CNTN3: variants seen among roughly 807,000 people sequenced by gnomAD.
CNTN3 encodes the protein contactin 3.
CNTN3 carries 60 observed loss-of-function variants against 119.1 expected under a neutral mutation model. That is an observed-to-expected ratio of 0.50 (90% confidence interval 0.41 to 0.62). The LOEUF is 0.62. Ranked by LOEUF, CNTN3 falls within the 20% of genes least tolerant of loss-of-function variation. CNTN3 has a pLI of 0.00. For synonymous variants in CNTN3, 450 were observed against 438.7 expected (o/e 1.03, Z -0.32); for missense variants, 1,101 against 1,242.4 (o/e 0.89, Z 1.71).
rs1704329766 is a variant in CNTN3, at chr3:74,371,232, G to A, written c.622C>T (p.Leu208=). The change falls in exon 6 of 23, where the codon CTG becomes TTG. Residue 208 remains leucine (L), a synonymous_variant. Transcript: ENST00000263665. ...AGCACCAAAGGAGTTGGAGAGCCCA[G>A]CACTCGGGCATTTGTCACCATACTT... is the stretch of plus-strand genomic sequence containing the variant. The part of the protein sequence containing the change: ...VTSMVTNARV[L]GSPTPLVLRS... 1.2e-6 allele frequency: 2 copies of A among 1,613,200 alleles called. No homozygotes were observed. Among genetic ancestry groups the A allele is most frequent in the Admixed American group, 1.7e-5 (1 of 59,892 alleles).
At chr3:74,299,489 C>G (rs185122236) in intron 17 of CNTN3, among the ~76,000 whole-genome samples, 1 of 152,106 alleles carries the variant, frequency 6.6e-6, no homozygotes, top group Non-Finnish European at 1.5e-5. Context: ...GGGCAACAGC[C>G]GCAACATAAC....
intron 4 of CNTN3, among the ~76,000 whole-genome samples, chr3:74,428,543 G>C (rs1469737733): frequency 6.6e-6 from 1 of 152,276 alleles, no homozygotes; most frequent in East Asian, 1.9e-4. Flanking sequence ...CAAGAAAATA[G>C]TTTAGTAAAG....
intron 2 of CNTN3, among the ~76,000 whole-genome samples, chr3:74,517,456 GTAACAC>G (rs1441084045): frequency 1.3e-5 from 2 of 151,910 alleles, no homozygotes; most frequent in Non-Finnish European, 2.9e-5. Context: ...TGTCCGTTCA[GTAACAC>G]TAACACCCAT....
chr3:74,328,931 A>G (rs916561876), intron 13 of CNTN3, among the ~76,000 whole-genome samples: 3 of 152,200 alleles, frequency 2.0e-5, no homozygotes, highest in Non-Finnish European at 4.4e-5. Context: ...GATGCTTTGA[A>G]TTTGGACAAG....
chr3:74,506,868 A>G (rs2107094632), intron 2 of CNTN3, among the ~76,000 whole-genome samples: 1 of 152,200 alleles, frequency 6.6e-6, no homozygotes, highest in East Asian at 1.9e-4. Flanking sequence ...TTTTTAAAAT[A>G]TTTCTTTAAC....
At position 74,535,690 on chromosome 3, in the gene CNTN3, G is replaced by A. The variant is rs79153629; in HGVS notation, c.-80-14498C>T. Among the ~76,000 whole-genome samples the A allele has an allele frequency of 1.4e-3, 207 of 152,176 alleles. 2 individuals carry two copies. In the East Asian group the frequency reaches 0.036, roughly 27 times the overall value. On this transcript the variant is annotated intron_variant, in intron 1 of 22. Transcript: ENST00000263665. Reference sequence around the variant, plus strand: ...GATTGTGAACTGCCAGACTGACTGTGAACTCTTTATTTCAGAAGACCCTGG... The same window carrying A: ...GATTGTGAACTGCCAGACTGACTGTAAACTCTTTATTTCAGAAGACCCTGG...
At chr3:74,554,182 C>T (rs1704035546) in intron 1 of CNTN3, among the ~76,000 whole-genome samples, 1 of 152,116 alleles carries the variant, frequency 6.6e-6, no homozygotes, top group Admixed American at 6.6e-5. Flanking sequence ...GGAATCTTTT[C>T]CCCATTGCTT....
chr3:74,334,660 G>T, intron 13 of CNTN3, 75 bp downstream of exon 13: 1 of 1,330,014 alleles, frequency 7.5e-7, no homozygotes, highest in Non-Finnish European at 1.1e-6. Context: ...TTGTCTATAT[G>T]TCAGACAGTT....
At chr3:74,456,249 AAAG>A (rs546945726) in intron 4 of CNTN3, among the ~76,000 whole-genome samples, 2 of 152,086 alleles carry the variant, frequency 1.3e-5, no homozygotes, top group African/African-American at 2.4e-5. Flanking sequence ...ACTGAAAAAA[AAAG>A]AAAAAAGCAA....
chr3:74,344,397 G>GTTTGTT (rs1703630339), intron 11 of CNTN3, among the ~76,000 whole-genome samples: 1 of 32,568 alleles, frequency 3.1e-5, no homozygotes, highest in Non-Finnish European at 7.2e-5. Flanking sequence ...TTACACAGTG[G>GTTTGTT]TTTTTTTTTT....
intron 1 of CNTN3, among the ~76,000 whole-genome samples, chr3:74,587,732 A>G (rs1208775115): frequency 1.3e-5 from 2 of 152,042 alleles, no homozygotes; most frequent in African/African-American, 4.8e-5. Flanking sequence ...GAATCATGTC[A>G]TCTGCAAACA....
At chr3:74,498,224 G>C (rs1305978168) in intron 3 of CNTN3, among the ~76,000 whole-genome samples, 2 of 151,696 alleles carry the variant, frequency 1.3e-5, no homozygotes, top group African/African-American at 4.8e-5. Context: ...GAAACAAACA[G>C]ATGCATTTAA....
intron 1 of CNTN3, among the ~76,000 whole-genome samples, chr3:74,581,592 A>G (rs1042185407): frequency 6.6e-6 from 1 of 152,212 alleles, no homozygotes; most frequent in African/African-American, 2.4e-5. Context: ...CGAACTCCCA[A>G]TAGGTCCTTT....
chr3:74,307,137 G>A (rs771138377), intron 13 of CNTN3, among the ~76,000 whole-genome samples: 1 of 152,072 alleles, frequency 6.6e-6, no homozygotes, highest in African/African-American at 2.4e-5. Context: ...TAAGAACACG[G>A]TTTATTTGAG....
chr3:74,288,245 A>C (rs967928738), intron 19 of CNTN3, among the ~76,000 whole-genome samples: 1 of 137,786 alleles, frequency 7.3e-6, no homozygotes, highest in African/African-American at 2.8e-5. Flanking sequence ...TGCAATCTCC[A>C]CCTCCTGGGT....
At chr3:74,289,134 C>T (rs1213442661) in intron 19 of CNTN3, among the ~76,000 whole-genome samples, 2 of 152,148 alleles carry the variant, frequency 1.3e-5, no homozygotes, top group Non-Finnish European at 1.5e-5. Context: ...AAGTCCTTCT[C>T]CCCCAACCAA....
intron 19 of CNTN3, among the ~76,000 whole-genome samples, chr3:74,292,563 G>A (rs190469237): frequency 2.8e-4 from 43 of 152,148 alleles, no homozygotes; most frequent in African/African-American, 8.9e-4. Flanking sequence ...CGAAAACTCC[G>A]TCTCAAAAAT....
At chr3:74,555,508 C>G (rs1457480512) in intron 1 of CNTN3, among the ~76,000 whole-genome samples, 2 of 152,098 alleles carry the variant, frequency 1.3e-5, no homozygotes, top group African/African-American at 4.8e-5. Flanking sequence ...CTCTTTGTAC[C>G]TCTGGTAGAA....
chr3:74,442,932 G>A (rs555566944), intron 4 of CNTN3, among the ~76,000 whole-genome samples: 1 of 152,300 alleles, frequency 6.6e-6, no homozygotes, highest in African/African-American at 2.4e-5. Flanking sequence ...ATACAGCATG[G>A]CTCCACAGCC....
Sources: gnomAD v4.1 joint callset for allele counts (sites outside exome capture counted in the v4.1 genomes callset) on GRCh38, gnomAD v4.1.1 for gene constraint, MANE v1.5 for transcripts, NCBI Gene and HGNC (gene_info 2026-07-23, HGNC 2026-07-21) for gene names.